DNAJC1: variants seen among roughly 807,000 people sequenced by gnomAD.
The protein encoded by DNAJC1 is DnaJ heat shock protein family (Hsp40) member C1.
In DNAJC1, 58 loss-of-function variants were observed where a neutral mutation model predicts 76.6. That is an observed-to-expected ratio of 0.76 (90% confidence interval 0.61 to 0.94). DNAJC1 has a LOEUF of 0.94. Among genes scored for constraint, DNAJC1 ranks in the 40% least tolerant of loss-of-function variants. The pLI is 0.00. For synonymous variants in DNAJC1, 258 were observed against 267.9 expected, an observed-to-expected ratio of 0.96 and a Z score of 0.36; for missense variants, 689 against 677.3, an observed-to-expected ratio of 1.02 and a Z score of -0.19.
At chr10:21,839,982 C>T (rs1225250683) in intron 8 of DNAJC1, among the ~76,000 whole-genome samples, 2 of 152,140 alleles carry the variant, frequency 1.3e-5, no homozygotes, top group African/African-American at 4.8e-5. Context: ...AACATATAAA[C>T]AGAACCAAAG....
chr10:21,809,940 A>ATGTG (rs943995141), intron 8 of DNAJC1, among the ~76,000 whole-genome samples: 1 of 145,442 alleles, frequency 6.9e-6, no homozygotes, highest in African/African-American at 2.6e-5. Flanking sequence ...ATGGCCTTTC[A>ATGTG]TGTGTGTGTG....
chr10:21,869,205 G>T (rs1174917603), intron 8 of DNAJC1, among the ~76,000 whole-genome samples: 1 of 111,278 alleles, frequency 9.0e-6, no homozygotes, highest in Non-Finnish European at 1.7e-5. Context: ...GACAGAATGA[G>T]ACCATATCTC....
rs541578044 is a variant in DNAJC1, at chr10:21,765,838, C to T, written c.1147+423G>A. The stretch of plus-strand genomic sequence containing the variant: ...TAGCCTGGGCAACAGAGCAAGACTC[C>T]GTCTCAAAAAAAAGGAAACATAAAT... On this transcript the variant is annotated intron_variant, in intron 10 of 11. Coordinates refer to ENST00000376980, the MANE Select transcript of DNAJC1 (RefSeq NM_022365.4). Among the ~76,000 whole-genome samples the T allele has an allele frequency of 9.5e-4, 94 of 99,458 alleles. 2 individuals are homozygous for T. The East Asian group carries it at 0.071, about 75-fold the overall frequency. The allele number at this position is 99,458 out of a possible 152,430, so 65.2% of individuals were successfully genotyped here.
intron 8 of DNAJC1, among the ~76,000 whole-genome samples, chr10:21,834,043 C>T (rs540912051): frequency 3.9e-4 from 59 of 151,838 alleles, no homozygotes; most frequent in African/African-American, 1.4e-3. Context: ...GGTGGGCGGA[C>T]CACGAGGTCA....
intron 8 of DNAJC1, among the ~76,000 whole-genome samples, chr10:21,880,816 C>A (rs564300826): frequency 6.6e-6 from 1 of 152,290 alleles, no homozygotes; most frequent in East Asian, 1.9e-4. Flanking sequence ...CTGCATTATT[C>A]CCTGACGAGA....
intron 6 of DNAJC1, among the ~76,000 whole-genome samples, chr10:21,905,722 C>T (rs1836733512): frequency 6.6e-6 from 1 of 152,130 alleles, no homozygotes; most frequent in South Asian, 2.1e-4. Flanking sequence ...AAAGCAGGTA[C>T]TCAATAAGTA....
At chr10:21,851,849 T>G (rs1835760068) in intron 8 of DNAJC1, among the ~76,000 whole-genome samples, 1 of 151,754 alleles carries the variant, frequency 6.6e-6, no homozygotes, top group Admixed American at 6.6e-5. Flanking sequence ...GGGCAGGAGA[T>G]CGATACCATC....
chr10:21,889,733 C>T (rs1187332439), intron 7 of DNAJC1, among the ~76,000 whole-genome samples: 1 of 152,140 alleles, frequency 6.6e-6, no homozygotes, highest in Non-Finnish European at 1.5e-5. Flanking sequence ...CACACACATA[C>T]AGGCAAAACA....
chr10:21,876,212 G>T (rs973962650), intron 8 of DNAJC1, among the ~76,000 whole-genome samples: 7 of 151,680 alleles, frequency 4.6e-5, no homozygotes, highest in Non-Finnish European at 8.8e-5. Context: ...CTGGGTTCAA[G>T]AGATTCTCCT....
chr10:21,961,299 A>G (rs796670366), intron 1 of DNAJC1, among the ~76,000 whole-genome samples: 17 of 152,368 alleles, frequency 1.1e-4, no homozygotes, highest in African/African-American at 3.6e-4. Flanking sequence ...CATTATTCAC[A>G]ATAGCCAAAG....
intron 1 of DNAJC1, among the ~76,000 whole-genome samples, chr10:21,987,595 C>G (rs549447765): frequency 3.3e-5 from 5 of 152,132 alleles, no homozygotes; most frequent in African/African-American, 1.2e-4. Flanking sequence ...AAATCTACTT[C>G]ATTTAACCCA....
chr10:21,832,538 T>C (rs1320826583), intron 8 of DNAJC1, among the ~76,000 whole-genome samples: 1 of 152,176 alleles, frequency 6.6e-6, no homozygotes, highest in Non-Finnish European at 1.5e-5. Context: ...ATGGTAACTG[T>C]CTCTTCCAAT....
chr10:21,898,249 C>T (rs1836578068), intron 7 of DNAJC1, among the ~76,000 whole-genome samples: 1 of 152,158 alleles, frequency 6.6e-6, no homozygotes, highest in Admixed American at 6.5e-5. Context: ...ATACTATATT[C>T]ATAGATTTGG....
At chr10:21,816,332 C>T (rs1057482505) in intron 8 of DNAJC1, among the ~76,000 whole-genome samples, 1 of 151,904 alleles carries the variant, frequency 6.6e-6, no homozygotes, top group Non-Finnish European at 1.5e-5. Flanking sequence ...TGCGCTCCAG[C>T]CTGGCCGACA....
chr10:21,789,909 C>G (rs920665538), intron 9 of DNAJC1, among the ~76,000 whole-genome samples: 10 of 147,684 alleles, frequency 6.8e-5, no homozygotes, highest in Non-Finnish European at 1.0e-4. Context: ...ACTAGAGAGG[C>G]TGAAGCATGA....
intron 1 of DNAJC1, among the ~76,000 whole-genome samples, chr10:21,957,496 G>A (rs1342987420): frequency 6.6e-6 from 1 of 152,082 alleles, no homozygotes. Context: ...TTATGGTCAA[G>A]TAATGTTATA....
intron 1 of DNAJC1, among the ~76,000 whole-genome samples, chr10:22,001,624 A>C (rs1035553246): frequency 6.6e-6 from 1 of 152,240 alleles, no homozygotes; most frequent in Non-Finnish European, 1.5e-5. Context: ...ATTATAAATG[A>C]AAATTCTATG....
At chr10:21,804,967 G>A (rs575238442) in intron 9 of DNAJC1, among the ~76,000 whole-genome samples, 2 of 152,200 alleles carry the variant, frequency 1.3e-5, no homozygotes, top group South Asian at 2.1e-4. Context: ...ATGCGCAACT[G>A]TAATAATTTC....
At chr10:21,834,437 C>A (rs572218522) in intron 8 of DNAJC1, among the ~76,000 whole-genome samples, 1 of 152,176 alleles carries the variant, frequency 6.6e-6, no homozygotes, top group East Asian at 1.9e-4. Context: ...ACTGAGGTAC[C>A]GGGTTCATCT....
Sources: allele counts gnomAD v4.1 joint callset (sites outside exome capture counted in the v4.1 genomes callset), GRCh38; gene constraint gnomAD v4.1.1; transcripts MANE v1.5; gene names NCBI Gene and HGNC (gene_info 2026-07-23, HGNC 2026-07-21).